Variants in DST observed in about 807,000 individuals in gnomAD.
DST encodes the protein bullous pemphigoid antigen.
In DST, 253 loss-of-function variants were observed where a neutral mutation model predicts 875.2. That is an observed-to-expected ratio of 0.29 (90% confidence interval 0.26 to 0.32). DST has a LOEUF of 0.32. DST is among the 10% of genes least tolerant of loss of function. The pLI, the probability that DST is intolerant of heterozygous loss-of-function variation, is 1.00. For missense variants in DST, 8,287 were observed against 9,111.6 expected, an observed-to-expected ratio of 0.91 and a Z score of 3.68; for synonymous variants, 3,124 against 3,197.1, an observed-to-expected ratio of 0.98 and a Z score of 0.77.
At chr6:56,743,493 T>C (rs1304450323) in intron 4 of DST, among the ~76,000 whole-genome samples, 1 of 152,178 alleles carries the variant, frequency 6.6e-6, no homozygotes, top group East Asian at 1.9e-4. Context: ...TTCCTATCTC[T>C]CCTTTTCCAA....
chr6:56,690,687 C>A (rs1432798672), intron 9 of DST, among the ~76,000 whole-genome samples: 1 of 152,202 alleles, frequency 6.6e-6, no homozygotes, highest in African/African-American at 2.4e-5. Flanking sequence ...GTTAATCAGT[C>A]ATTTCCGGGA....
rs71707887 is a variant in DST, at chr6:56,516,175, AAGAAAG to A, written c.18358-513_18358-508del. ...AGAGAAAGAGAGAAAGAGAAAGAGAAAGAAAGAGAAAGAGAAAGAGAAGGAGAAAGA... is the reference window on the plus strand; with the variant it reads ...AGAGAAAGAGAGAAAGAGAAAGAGAAAGAAAGAGAAAGAGAAGGAGAAAGA... On this transcript the variant is annotated intron_variant, in intron 71 of 103. Transcript: ENST00000680361. 3.4e-3 allele frequency among the ~76,000 whole-genome samples: 385 copies of A among 114,432 alleles called. 1 individual carries two copies. Among genetic ancestry groups the A allele is most frequent in the Non-Finnish European group, 5.2e-3 (261 of 50,330 alleles). The allele number at this position is 114,432 out of a possible 152,430, so 75.1% of individuals were successfully genotyped here.
intron 4 of DST, among the ~76,000 whole-genome samples, chr6:56,823,552 A>G (rs1043154684): frequency 6.6e-6 from 1 of 152,146 alleles, no homozygotes; most frequent in Non-Finnish European, 1.5e-5. Context: ...CTGGGACTAC[A>G]GGTGCACGCC....
At chr6:56,890,402 ATGGAGATC>A (rs1251972085) in intron 3 of DST, among the ~76,000 whole-genome samples, 1 of 152,246 alleles carries the variant, frequency 6.6e-6, no homozygotes, top group African/African-American at 2.4e-5. Flanking sequence ...TAAGGAATAA[ATGGAGATC>A]TGGATCTAAT....
chr6:56,784,507 T>C (rs540558767), intron 4 of DST, among the ~76,000 whole-genome samples: 1 of 152,246 alleles, frequency 6.6e-6, no homozygotes. Context: ...TTTCTTCCAG[T>C]TGATCGCATC....
At position 56,636,575 on chromosome 6, in the gene DST, C is replaced by T; in HGVS notation, c.3042G>A (p.Glu1014=). 1 of 1,613,188 alleles carries T rather than the reference C, an allele frequency of 6.2e-7. No homozygotes were observed. The highest frequency in any genetic ancestry group is 1.7e-5 in the Admixed American group (1 of 60,006). ...LCQCVEQHIK[E]NTAYFEFFND... ...CACATACCTCGAAATACGCTGTGTT[C>T]TCCTTTATGTGCTGCTCCACACACT... Residue 1014 remains glutamate, a synonymous_variant, in exon 23 of 104, where the codon GAG becomes GAA. Coordinates refer to ENST00000680361, the MANE Select transcript of DST (RefSeq NM_001374736.1).
At position 56,628,033 on chromosome 6, in the gene DST, C is replaced by T; in HGVS notation, c.4604G>A (p.Ser1535Asn). Residue 1535 changes from serine (S) to asparagine (N), a missense_variant, in exon 33 of 104, where the codon AGT (serine) becomes AAT (asparagine). Ser to Asn is a conservative substitution (Grantham distance 46). Around this residue, in one of 10 missense-constraint regions of DST, gnomAD observed 3,138 missense variants for 3,116.6 expected, o/e 1.01. Transcript: ENST00000680361. ...ATTCAACTGTGTGGCTAGGGTTTTA[C>T]TATTTTCAGGCTGATTTTCCTGAAT... ...RKIQENQPEN[S>N]KTLATQLNQQ... 6.2e-7 allele frequency: 1 copy of T among 1,613,824 alleles called. No individual in the cohort carries two copies. The highest frequency in any genetic ancestry group is 8.5e-7 in the Non-Finnish European group (1 of 1,179,786).
intron 5 of DST, among the ~76,000 whole-genome samples, chr6:56,709,307 A>G (rs1041705284): frequency 1.3e-5 from 2 of 152,230 alleles, no homozygotes; most frequent in African/African-American, 4.8e-5. Context: ...GATGACATGG[A>G]CAATATTTCA....
chr6:56,694,256 C>T (rs1047804529), intron 9 of DST, among the ~76,000 whole-genome samples: 29 of 149,242 alleles, frequency 1.9e-4, no homozygotes, highest in South Asian at 1.9e-3. Flanking sequence ...AATGGATTTA[C>T]ACATAAGTAC....
At chr6:56,581,505 G>GT (rs1448594380) in intron 49 of DST, among the ~76,000 whole-genome samples, 1 of 152,156 alleles carries the variant, frequency 6.6e-6, no homozygotes, top group Non-Finnish European at 1.5e-5. Context: ...CAGTCCCCGC[G>GT]TATCTCTGAG....
chr6:56,724,747 A>C (rs1423982346), intron 5 of DST, among the ~76,000 whole-genome samples: 1 of 152,200 alleles, frequency 6.6e-6, no homozygotes, highest in Non-Finnish European at 1.5e-5. Context: ...TTTAGAGCTC[A>C]CTGTTTAACT....
intron 88 of DST, 89 bp from the exon 89 acceptor site, chr6:56,482,966 A>G: frequency 1.0e-6 from 1 of 971,332 alleles, no homozygotes; most frequent in Non-Finnish European, 1.4e-6. Flanking sequence ...TGCACATAAC[A>G]TCATGTAAAG....
intron 90 of DST, 56 bp downstream of exon 90, chr6:56,481,994 T>G: frequency 6.4e-7 from 1 of 1,563,986 alleles, no homozygotes; most frequent in Non-Finnish European, 8.7e-7. Flanking sequence ...CCCGAGTCTA[T>G]TTTCCCTGCT....
chr6:56,658,387 T>C (rs2152808567), intron 10 of DST, among the ~76,000 whole-genome samples: 1 of 152,086 alleles, frequency 6.6e-6, no homozygotes, highest in East Asian at 1.9e-4. Context: ...AGAAAATGAG[T>C]ATCAAGAATT....
chr6:56,670,135 T>C (rs1012807949), intron 10 of DST, among the ~76,000 whole-genome samples: 2 of 48,492 alleles, frequency 4.1e-5, no homozygotes, highest in Non-Finnish European at 1.2e-4. Context: ...CGCCCGTGCG[T>C]GTGTGTGTGT....
In DST at chr6:56,536,792, G is replaced by C. The variant is rs2097012311; in HGVS notation, c.16757C>G (p.Thr5586Ser). 3 of 1,572,118 alleles carry C rather than the reference G, an allele frequency of 1.9e-6. No homozygotes were observed. The highest frequency in any genetic ancestry group is 2.6e-6 in the Non-Finnish European group (3 of 1,158,080). Residue 5586 changes from threonine to serine, a missense_variant, in exon 62 of 104, where the codon ACT (threonine) becomes AGT (serine). Physicochemically the swap from Thr to Ser is moderately conservative, Grantham distance 58. Around this residue, in one of 10 missense-constraint regions of DST, gnomAD observed 777 missense variants for 764.8 expected, o/e 1.02. Transcript: ENST00000680361. The part of the protein sequence containing the change: ...DLDDVNARWK[T>S]LNKKVAQRAA... Reference sequence around the variant, plus strand: ...TGAGAAAATTACCTTCTTATTGAGAGTCTTCCACCGTGCATTGACATCATC... The same window carrying C: ...TGAGAAAATTACCTTCTTATTGAGACTCTTCCACCGTGCATTGACATCATC...
At chr6:56,518,957 T>A (rs1023215448) in intron 69 of DST, among the ~76,000 whole-genome samples, 1 of 152,162 alleles carries the variant, frequency 6.6e-6, no homozygotes, top group Non-Finnish European at 1.5e-5. Context: ...TGCCAACTCA[T>A]GGGAAGATGG....
chr6:56,848,626 G>GC (rs1763282770), intron 4 of DST, among the ~76,000 whole-genome samples: 1 of 152,134 alleles, frequency 6.6e-6, no homozygotes, highest in Admixed American at 6.6e-5. Context: ...TCATAATTTA[G>GC]CCACATTATA....
At chr6:56,635,129 T>C (rs556659979) in intron 24 of DST, among the ~76,000 whole-genome samples, 176 bp from the exon 25 acceptor site, 9 of 152,340 alleles carry the variant, frequency 5.9e-5, no homozygotes, top group African/African-American at 2.2e-4. Flanking sequence ...TTTGGTTTGT[T>C]TGGTTTTCTT....
Sources: gnomAD v4.1 joint callset for allele counts (sites outside exome capture counted in the v4.1 genomes callset) on GRCh38, gnomAD v4.1.1 for gene constraint, gnomAD v4.1.1 regional missense constraint, MANE v1.5 for transcripts, NCBI Gene and HGNC (gene_info 2026-07-23, HGNC 2026-07-21) for gene names.